The following PCDH15 variants were observed in gnomAD, a reference collection of about 807,000 sequenced individuals.
PCDH15 encodes protocadherin-15.
Under a neutral mutation model 178.5 loss-of-function variants are expected in PCDH15, and 129 were observed. The observed-to-expected ratio is 0.72, with a 90% CI of 0.63 to 0.84. The LOEUF (loss-of-function observed/expected upper bound fraction) is 0.84, where lower values mean the gene tolerates loss of function less well. Among genes scored for constraint, PCDH15 ranks in the 40% least tolerant of loss-of-function variants. The pLI, the probability that PCDH15 is intolerant of heterozygous loss-of-function variation, is 0.00. For synonymous variants in PCDH15, 800 were observed against 732.0 expected (o/e 1.09, Z -1.50); for missense variants, 2,230 against 2,099.9 (o/e 1.06, Z -1.21).
At position 55,337,860 on chromosome 10, in the gene PCDH15, G is replaced by A. The variant is rs574508364; in HGVS notation, c.-155-171209C>T. Reference sequence around the variant, plus strand: ...ATAAGAATGAAAGGAAATAATTAACGAAATATAGAGACAATTCACAGAATG... The same window carrying A: ...ATAAGAATGAAAGGAAATAATTAACAAAATATAGAGACAATTCACAGAATG... On this transcript the variant is annotated intron_variant, in intron 2 of 5. Coordinates refer to the PCDH15 transcript ENST00000613346. Among the ~76,000 whole-genome samples, 26 of 149,682 alleles carry A rather than the reference G, an allele frequency of 1.7e-4. No individual in the cohort carries two copies. In the East Asian group the frequency reaches 4.1e-3, roughly 24 times the overall value.
At chr10:55,441,868 GTGT>G (rs1159725958) in intron 2 of PCDH15, among the ~76,000 whole-genome samples, 4 of 152,174 alleles carry the variant, frequency 2.6e-5, no homozygotes, top group Non-Finnish European at 5.9e-5. Context: ...GGCATCACAA[GTGT>G]TCTTATAAGA....
intron 2 of PCDH15, among the ~76,000 whole-genome samples, chr10:55,603,336 G>C (rs1348150372): frequency 6.7e-6 from 1 of 149,904 alleles, no homozygotes; most frequent in Non-Finnish European, 1.5e-5. Context: ...TATTATCCAG[G>C]AGAACTTCCC....
At chr10:54,561,272 G>A (rs2088105274) in intron 2 of PCDH15, among the ~76,000 whole-genome samples, 1 of 152,082 alleles carries the variant, frequency 6.6e-6, no homozygotes, top group Non-Finnish European at 1.5e-5. Context: ...TTTTCCACAT[G>A]AGGGCTTCCA....
chr10:54,919,859 C>T (rs1837440063), intron 2 of PCDH15, among the ~76,000 whole-genome samples: 1 of 152,042 alleles, frequency 6.6e-6, no homozygotes, highest in East Asian at 1.9e-4. Context: ...TTTGAGGATA[C>T]CACTGAAATG....
At chr10:54,001,535 G>T (rs1408416742) in intron 20 of PCDH15, among the ~76,000 whole-genome samples, 1 of 151,906 alleles carries the variant, frequency 6.6e-6, no homozygotes, top group Admixed American at 6.6e-5. Flanking sequence ...GTATTTGCAA[G>T]CTTGATGATA....
At chr10:54,725,418 A>G (rs1053428374) in intron 1 of PCDH15, among the ~76,000 whole-genome samples, 1 of 146,486 alleles carries the variant, frequency 6.8e-6, no homozygotes, top group Admixed American at 7.1e-5. Context: ...TCCTCATGCC[A>G]GTAATCCCAG....
chr10:54,082,473 C>T (rs1422819440), intron 16 of PCDH15, among the ~76,000 whole-genome samples: 1 of 152,004 alleles, frequency 6.6e-6, no homozygotes, highest in South Asian at 2.1e-4. Context: ...AACAAGAATG[C>T]CAAGACCATT....
intron 1 of PCDH15, among the ~76,000 whole-genome samples, chr10:54,758,287 T>C (rs1435830800): frequency 1.3e-5 from 2 of 152,224 alleles, no homozygotes; most frequent in African/African-American, 2.4e-5. Flanking sequence ...AAATTTTGAA[T>C]TGTGATATTT....
intron 33 of PCDH15, among the ~76,000 whole-genome samples, chr10:53,818,980 TAA>T (rs1002529879): frequency 6.6e-6 from 1 of 151,364 alleles, no homozygotes. Flanking sequence ...AAACTGTTTG[TAA>T]AAAAAAGTAA....
At chr10:54,913,447 G>A (rs1954851457) in intron 2 of PCDH15, among the ~76,000 whole-genome samples, 2 of 152,198 alleles carry the variant, frequency 1.3e-5, no homozygotes, top group African/African-American at 4.8e-5. Flanking sequence ...CAGGATGTAT[G>A]AAAACACCTG....
intron 11 of PCDH15, among the ~76,000 whole-genome samples, chr10:54,194,610 A>ATGTGTGTGTG (rs33956261): frequency 0.053 from 7,944 of 150,762 alleles, 224 homozygotes; most frequent in Admixed American, 0.087. Context: ...TTTTATATAT[A>ATGTGTGTGTG]TGTGTGTGTG....
intron 5 of PCDH15, among the ~76,000 whole-genome samples, chr10:54,364,544 G>A (rs1252207721): frequency 6.6e-6 from 1 of 151,988 alleles, no homozygotes; most frequent in East Asian, 1.9e-4. Context: ...ATAGTTGTTG[G>A]ATACATCATT....
rs1455931872 is a variant in PCDH15, at chr10:55,391,786, A to G, written c.-155-225135T>C. 2.0e-5 allele frequency among the ~76,000 whole-genome samples: 3 copies of G among 152,304 alleles called. No individual in the cohort carries two copies. The East Asian group carries it at 5.8e-4, about 29-fold the overall frequency. The stretch of plus-strand genomic sequence containing the variant: ...CAAGCATGAGTCACCACGCCCTGCC[A>G]GAAGTAGCATTTTTAATATTCTTCA... On this transcript the variant is annotated intron_variant, in intron 2 of 5. Transcript: ENST00000613346.
chr10:54,287,867 A>G (rs1189349588), intron 8 of PCDH15, among the ~76,000 whole-genome samples: 1 of 152,214 alleles, frequency 6.6e-6, no homozygotes, highest in Non-Finnish European at 1.5e-5. Context: ...GGTGGCATAC[A>G]TACCATCTAT....
chr10:54,530,708 G>A (rs1489105402), intron 2 of PCDH15, among the ~76,000 whole-genome samples: 5 of 151,888 alleles, frequency 3.3e-5, no homozygotes, highest in Non-Finnish European at 5.9e-5. Flanking sequence ...TTCCCACTAC[G>A]ATTTATTATT....
rs762814533 is a variant in PCDH15, at chr10:53,822,999, T to TGAC, written c.4368-2772_4368-2770dup. 6 of 1,613,986 alleles carry TGAC rather than the reference T, an allele frequency of 3.7e-6. No individual in the cohort carries two copies. In the African/African-American group the frequency reaches 8.0e-5, roughly 22 times the overall value. On this transcript the variant is annotated intron_variant, in intron 32 of 37. Transcript: ENST00000644397. The stretch of plus-strand genomic sequence containing the variant: ...CAGCCTCCTGGGTAAGCTGACTGAC[T>TGAC]GACTCCACAGCCTCTGAATCTTTTC...
At chr10:54,170,389 C>G (rs902829510) in intron 13 of PCDH15, among the ~76,000 whole-genome samples, 2 of 152,010 alleles carry the variant, frequency 1.3e-5, no homozygotes, top group African/African-American at 4.8e-5. Flanking sequence ...TAGTCTAGCC[C>G]TCATGTCTGC....
At chr10:54,482,605 A>G (rs1468148400) in intron 3 of PCDH15, among the ~76,000 whole-genome samples, 1 of 151,792 alleles carries the variant, frequency 6.6e-6, no homozygotes, top group African/African-American at 2.4e-5. Context: ...AAAAGAAGGT[A>G]CCAGGTACCT....
chr10:55,539,915 T>A (rs2132075043), intron 2 of PCDH15, among the ~76,000 whole-genome samples: 1 of 152,230 alleles, frequency 6.6e-6, no homozygotes, highest in African/African-American at 2.4e-5. Flanking sequence ...CACAATTCTT[T>A]GAGTTAGTTA....
Sources: allele counts gnomAD v4.1 joint callset (sites outside exome capture counted in the v4.1 genomes callset), GRCh38; gene constraint gnomAD v4.1.1; transcripts MANE v1.5; gene names NCBI Gene and HGNC (gene_info 2026-07-23, HGNC 2026-07-21).